COL26A1: variants seen among roughly 807,000 people sequenced by gnomAD.
COL26A1 encodes collagen alpha-1(XXVI) chain.
COL26A1 carries 41 observed loss-of-function variants against 59.3 expected under a neutral mutation model. That is an observed-to-expected ratio of 0.69 (90% CI 0.54 to 0.90). The LOEUF (loss-of-function observed/expected upper bound fraction) is 0.90. Among genes scored for constraint, COL26A1 ranks in the 40% least tolerant of loss-of-function variants. The probability of loss-of-function intolerance (pLI) is 0.00; values close to 1 mark genes in which losing one functional copy is unlikely to be tolerated. For missense variants in COL26A1, 612 were observed against 602.3 expected, an observed-to-expected ratio of 1.02 and a Z score of -0.17; for synonymous variants, 266 against 256.0, an observed-to-expected ratio of 1.04 and a Z score of -0.37.
Position 101,558,284 on chromosome 7 carries a change from A to C in COL26A1, c.*754A>C, listed in dbSNP as rs1362836170. ...AATCACTGCCAGCCATACGGACTTG[A>C]GGACCTTGAGAGAGAAGCATTGGGG... On this transcript the variant is annotated 3_prime_UTR_variant, in exon 13 of 13. Coordinates refer to ENST00000313669, the MANE Select transcript of COL26A1 (RefSeq NM_001278563.3). 5 of 152,394 alleles carry C rather than the reference A, an allele frequency of 3.3e-5. No homozygotes were observed. The South Asian group carries it at 1.0e-3, about 32-fold the overall frequency. The allele number at this position is 152,394 out of a possible 1,614,324, so 9.4% of individuals were successfully genotyped here. A position where few individuals can be genotyped will look rare whatever the true frequency, so the allele number is the denominator to read the frequency against.
At chr7:101,495,000 C>T (rs963205980) in intron 3 of COL26A1, among the ~76,000 whole-genome samples, 4 of 152,194 alleles carry the variant, frequency 2.6e-5, no homozygotes, top group South Asian at 4.1e-4. Flanking sequence ...CTCCCCCTGG[C>T]GAAAGGCAGC....
At chr7:101,557,103 G>A (rs1430833930) in intron 12 of COL26A1, among the ~76,000 whole-genome samples, 3 of 152,116 alleles carry the variant, frequency 2.0e-5, no homozygotes, top group Non-Finnish European at 4.4e-5. Flanking sequence ...GTGACTGAGT[G>A]GGTGGATGAA....
At chr7:101,424,689 A>C (rs1355171006) in intron 2 of COL26A1, among the ~76,000 whole-genome samples, 1 of 152,092 alleles carries the variant, frequency 6.6e-6, no homozygotes. Flanking sequence ...TTGGGTGCAC[A>C]CCCTCTGTCT....
intron 3 of COL26A1, among the ~76,000 whole-genome samples, chr7:101,449,470 A>G (rs757592824): frequency 6.6e-6 from 1 of 152,222 alleles, no homozygotes; most frequent in Non-Finnish European, 1.5e-5. Context: ...TCAGTGATCA[A>G]TAAAATCAGC....
intron 3 of COL26A1, among the ~76,000 whole-genome samples, chr7:101,450,299 C>T (rs1045991745): frequency 4.6e-5 from 7 of 152,000 alleles, no homozygotes; most frequent in East Asian, 1.9e-4. Context: ...TATTGCCACC[C>T]GGGGAAGCTC....
At chr7:101,554,580 A>C (rs1042112416) in intron 11 of COL26A1, among the ~76,000 whole-genome samples, 1 of 151,182 alleles carries the variant, frequency 6.6e-6, no homozygotes, top group African/African-American at 2.4e-5. Flanking sequence ...AAAAAAAAAA[A>C]AAAAAAAAAA....
At chr7:101,469,439 C>T (rs554075913) in intron 3 of COL26A1, among the ~76,000 whole-genome samples, 4 of 151,968 alleles carry the variant, frequency 2.6e-5, no homozygotes, top group Admixed American at 2.0e-4. Flanking sequence ...CGGCCATAAA[C>T]GGGGTGCCCA....
At chr7:101,386,624 T>C (rs1791583512) in intron 1 of COL26A1, among the ~76,000 whole-genome samples, 1 of 152,086 alleles carries the variant, frequency 6.6e-6, no homozygotes, top group Admixed American at 6.6e-5. Flanking sequence ...GCACAGGATG[T>C]GAATTAAAAC....
chr7:101,466,795 G>GGGGTGTGTGTGTGTGTGT, intron 3 of COL26A1, among the ~76,000 whole-genome samples: 1 of 125,246 alleles, frequency 8.0e-6, no homozygotes, highest in East Asian at 2.3e-4. Context: ...GGCATGTTCT[G>GGGGTGTGTGTGTGTGTGT]GTGTGTGTGT....
intron 4 of COL26A1, among the ~76,000 whole-genome samples, chr7:101,538,509 C>T (rs2130650743): frequency 6.6e-6 from 1 of 152,334 alleles, no homozygotes; most frequent in Non-Finnish European, 1.5e-5. Flanking sequence ...CCGCAGTGAC[C>T]CTCCCAGTTT....
rs1349687082 is a variant in COL26A1 at position 101,506,557 on chromosome 7, G to T, written c.386-26525G>T. On this transcript the variant is annotated intron_variant, in intron 3 of 12. Transcript: ENST00000313669. Reference sequence around the variant, plus strand: ...GAGACCAGGGGTGAGCTGCAGGGCTGGTCTAGAAACTGGAGATCCCGGGTA... The same window carrying T: ...GAGACCAGGGGTGAGCTGCAGGGCTTGTCTAGAAACTGGAGATCCCGGGTA... 3.3e-5 allele frequency among the ~76,000 whole-genome samples: 5 copies of T among 152,180 alleles called. 1 individual carries two copies. In the East Asian group the frequency reaches 7.7e-4, roughly 24 times the overall value.
chr7:101,514,056 C>G (rs747724751), intron 3 of COL26A1, among the ~76,000 whole-genome samples: 11 of 152,136 alleles, frequency 7.2e-5, no homozygotes, highest in Non-Finnish European at 1.5e-4. Flanking sequence ...CACAACAAGG[C>G]TCGGCACGGT....
intron 2 of COL26A1, among the ~76,000 whole-genome samples, chr7:101,423,311 T>A (rs1362355345): frequency 1.3e-5 from 2 of 151,928 alleles, no homozygotes; most frequent in Non-Finnish European, 2.9e-5. Flanking sequence ...ATAATGCACC[T>A]ATAAGAAAAG....
At chr7:101,520,342 C>T (rs1795114125) in intron 3 of COL26A1, among the ~76,000 whole-genome samples, 1 of 152,142 alleles carries the variant, frequency 6.6e-6, no homozygotes, top group African/African-American at 2.4e-5. Context: ...ACCCTCCCAG[C>T]CTCCTGATAG....
intron 3 of COL26A1, among the ~76,000 whole-genome samples, chr7:101,489,660 T>TTCCTTC (rs1794352078): frequency 2.1e-5 from 1 of 48,630 alleles, no homozygotes; most frequent in Admixed American, 1.8e-4. Flanking sequence ...TTTCTTTCTT[T>TTCCTTC]CTTCCTTCCT....
intron 10 of COL26A1, among the ~76,000 whole-genome samples, chr7:101,552,163 T>G (rs1677667439): frequency 6.6e-6 from 1 of 152,226 alleles, no homozygotes; most frequent in Admixed American, 6.5e-5. Context: ...GGCTCTAATC[T>G]AAGCTCATTG....
intron 3 of COL26A1, among the ~76,000 whole-genome samples, chr7:101,498,677 T>C (rs1013790197): frequency 1.3e-5 from 2 of 152,220 alleles, no homozygotes; most frequent in African/African-American, 4.8e-5. Flanking sequence ...TTTCGTGATG[T>C]TGCTTTTCAT....
intron 1 of COL26A1, among the ~76,000 whole-genome samples, chr7:101,375,093 A>G (rs576619163): frequency 6.6e-6 from 1 of 152,082 alleles, no homozygotes; most frequent in Non-Finnish European, 1.5e-5. Context: ...ATAAAAAAAA[A>G]GAGGAAGGCT....
At chr7:101,411,305 GC>G (rs1386777703) in intron 1 of COL26A1, among the ~76,000 whole-genome samples, 1 of 152,196 alleles carries the variant, frequency 6.6e-6, no homozygotes, top group Non-Finnish European at 1.5e-5. Flanking sequence ...ATACAAGGGG[GC>G]CCTGTGGGAC....
Sources: allele counts gnomAD v4.1 joint callset (sites outside exome capture counted in the v4.1 genomes callset), GRCh38; gene constraint gnomAD v4.1.1; transcripts MANE v1.5; gene names NCBI Gene and HGNC (gene_info 2026-07-23, HGNC 2026-07-21).